The following MAGI2 variants were observed in gnomAD, a reference collection of about 807,000 sequenced individuals.
MAGI2 encodes the protein membrane-associated guanylate kinase, WW and PDZ domain-containing protein 2.
MAGI2 carries 35 observed loss-of-function variants against 133.3 expected under a neutral mutation model. That is an observed-to-expected ratio of 0.26 (90% confidence interval 0.20 to 0.35). MAGI2 has a LOEUF of 0.35. MAGI2 is among the 10% of genes least tolerant of loss of function. MAGI2 has a pLI of 1.00. For missense variants in MAGI2, 1,636 were observed against 1,863.4 expected, an observed-to-expected ratio of 0.88 and a Z score of 2.25; for synonymous variants, 729 against 710.6, an observed-to-expected ratio of 1.03 and a Z score of -0.41.
intron 1 of MAGI2, among the ~76,000 whole-genome samples, chr7:79,421,204 C>T (rs1846933499): frequency 6.6e-6 from 1 of 151,876 alleles, no homozygotes. Context: ...GATTTGCAGG[C>T]AAATGACTAT....
chr7:78,562,025 G>A (rs1004244864), intron 3 of MAGI2, among the ~76,000 whole-genome samples: 2 of 152,118 alleles, frequency 1.3e-5, no homozygotes, highest in African/African-American at 4.8e-5. Context: ...CCATGATGAA[G>A]TTTGTGAAAG....
chr7:78,226,669 T>C (rs1789422429), intron 10 of MAGI2, among the ~76,000 whole-genome samples: 2 of 152,248 alleles, frequency 1.3e-5, no homozygotes. Context: ...GCTGCCATTG[T>C]AAGCTTTAGA....
rs112876326 is a variant in MAGI2, at chr7:78,429,276, T to C, written c.1046-60063A>G. On this transcript the variant is annotated intron_variant, in intron 6 of 21. Transcript: ENST00000354212. Reference sequence around the variant, plus strand: ...CCCATCCCCTCCTCATTGTTTTCTCTGGTCTTTGGTGCTATGCTTGACAGA... The same window carrying C: ...CCCATCCCCTCCTCATTGTTTTCTCCGGTCTTTGGTGCTATGCTTGACAGA... 7.4e-3 allele frequency among the ~76,000 whole-genome samples: 1,025 copies of C among 138,478 alleles called. 13 individuals carry two copies. Among genetic ancestry groups the C allele is most frequent in the African/African-American group, 0.029 (969 of 33,034 alleles). 90.8% of individuals were successfully genotyped at this position (138,478 alleles called of 152,430 possible).
intron 6 of MAGI2, among the ~76,000 whole-genome samples, chr7:78,386,834 G>A (rs1297846204): frequency 1.3e-5 from 2 of 152,238 alleles, no homozygotes; most frequent in African/African-American, 4.8e-5. Context: ...GAGGGCCCCA[G>A]GCTTTAATAT....
chr7:78,529,700 T>G (rs1335127168), intron 3 of MAGI2, among the ~76,000 whole-genome samples: 7 of 109,482 alleles, frequency 6.4e-5, no homozygotes, highest in African/African-American at 1.5e-4. Flanking sequence ...TTTTTTTTTT[T>G]GGGACATGGT....
At chr7:78,449,412 C>T (rs774276603) in intron 6 of MAGI2, among the ~76,000 whole-genome samples, 20 of 151,954 alleles carry the variant, frequency 1.3e-4, no homozygotes, top group Non-Finnish European at 2.4e-4. Flanking sequence ...AAACTTTGTG[C>T]CATTCCATAA....
chr7:78,453,243 G>A (rs998945080), intron 6 of MAGI2, among the ~76,000 whole-genome samples: 14 of 152,134 alleles, frequency 9.2e-5, no homozygotes, highest in Admixed American at 1.3e-4. Context: ...TGCAGGGACA[G>A]GTGCAATGCA....
intron 6 of MAGI2, chr7:78,486,873 T>A: frequency 2.0e-6 from 1 of 507,508 alleles, no homozygotes; most frequent in African/African-American, 1.9e-5. Context: ...GTGGCACAAT[T>A]GCCTGACAGA....
At chr7:79,258,860 A>T (rs1415915134) in intron 1 of MAGI2, among the ~76,000 whole-genome samples, 4 of 152,226 alleles carry the variant, frequency 2.6e-5, no homozygotes, top group African/African-American at 9.6e-5. Context: ...CAAAGATCTT[A>T]AGTAATTCAT....
chr7:79,137,550 T>A, intron 1 of MAGI2, among the ~76,000 whole-genome samples: 1 of 151,546 alleles, frequency 6.6e-6, no homozygotes, highest in Middle Eastern at 3.4e-3. Flanking sequence ...TCTCCCAGGT[T>A]CAAGTGATTC....
Position 78,391,009 on chromosome 7 carries a change from T to C in MAGI2, c.1046-21796A>G, listed in dbSNP as rs562924287. ...CCCTTGAAATATGCTTTCTGGGCCG[T>C]TTTTTCTTAGGATTCCTAAAGTTCT... On this transcript the variant is annotated intron_variant, in intron 6 of 21. Transcript: ENST00000354212. Among the ~76,000 whole-genome samples, 12 of 152,226 alleles carry C rather than the reference T, an allele frequency of 7.9e-5. No individual in the cohort carries two copies. The South Asian group carries it at 2.3e-3, about 29-fold the overall frequency.
chr7:78,716,306 TGTATCAATCCTTGAAAACA>T (rs1256756349), intron 2 of MAGI2, among the ~76,000 whole-genome samples: 2 of 152,246 alleles, frequency 1.3e-5, no homozygotes, highest in Non-Finnish European at 2.9e-5. Context: ...AGTGTATGCA[TGTATCAATCCTTGAAAACA>T]GTATTTCTTT....
chr7:78,829,149 A>G (rs908447386), intron 2 of MAGI2, among the ~76,000 whole-genome samples: 1 of 152,098 alleles, frequency 6.6e-6, no homozygotes, highest in African/African-American at 2.4e-5. Context: ...CCTTATAAAA[A>G]TGTACATTAT....
chr7:78,446,686 TTAC>T (rs1788176531), intron 6 of MAGI2, among the ~76,000 whole-genome samples: 2 of 137,492 alleles, frequency 1.5e-5, no homozygotes, highest in Non-Finnish European at 1.6e-5. Flanking sequence ...GCAGCACTCT[TTAC>T]AGATGGTCAT....
At chr7:78,584,670 G>C (rs1462672099) in intron 3 of MAGI2, among the ~76,000 whole-genome samples, 1 of 152,152 alleles carries the variant, frequency 6.6e-6, no homozygotes, top group Non-Finnish European at 1.5e-5. Context: ...CTGCTGCTGA[G>C]CTGTGTGATT....
intron 2 of MAGI2, among the ~76,000 whole-genome samples, chr7:78,747,949 T>A (rs1823083488): frequency 6.6e-6 from 1 of 152,168 alleles, no homozygotes; most frequent in Non-Finnish European, 1.5e-5. Context: ...CTGACATAAC[T>A]TCAGAATTCT....
At position 78,912,133 on chromosome 7, in the gene MAGI2, G is replaced by A. The variant is rs534031089; in HGVS notation, c.418+94957C>T. On this transcript the variant is annotated intron_variant, in intron 2 of 21. Coordinates refer to ENST00000354212, the MANE Select transcript of MAGI2 (RefSeq NM_012301.4). ...CTTAAACTGCAAGTTTAGCACTTCT[G>A]TGCATTTCAATAAACATTAAATTGA... is the stretch of plus-strand genomic sequence containing the variant. Among the ~76,000 whole-genome samples the A allele has an allele frequency of 3.6e-4, 55 of 152,186 alleles. 1 individual carries two copies. The South Asian group carries it at 0.01, about 28-fold the overall frequency.
At chr7:79,017,399 C>T (rs1808846780) in intron 1 of MAGI2, among the ~76,000 whole-genome samples, 1 of 152,164 alleles carries the variant, frequency 6.6e-6, no homozygotes, top group African/African-American at 2.4e-5. Context: ...ATCAACCCCC[C>T]AAGGACATCA....
intron 6 of MAGI2, among the ~76,000 whole-genome samples, chr7:78,412,766 G>A (rs1797980322): frequency 6.6e-6 from 1 of 151,990 alleles, no homozygotes; most frequent in South Asian, 2.1e-4. Flanking sequence ...TTACCTGAGG[G>A]AGAAAATACT....
Sources: gnomAD v4.1 joint callset for allele counts (sites outside exome capture counted in the v4.1 genomes callset) on GRCh38, gnomAD v4.1.1 for gene constraint, MANE v1.5 for transcripts, NCBI Gene and HGNC (gene_info 2026-07-23, HGNC 2026-07-21) for gene names.